Variants in GSE1 observed in about 807,000 individuals in gnomAD.
GSE1 encodes the protein genetic suppressor element 1.
A neutral mutation model predicts 112.6 loss-of-function variants in GSE1; 32 were observed. The observed-to-expected ratio is 0.28, with a 90% CI of 0.21 to 0.38. The LOEUF is 0.38. Ranked by LOEUF, GSE1 falls within the 10% of genes least tolerant of loss-of-function variation. The probability of loss-of-function intolerance (pLI) is 1.00; values close to 1 mark genes in which losing one functional copy is unlikely to be tolerated. For missense variants in GSE1, 2,348 were observed against 1,699.2 expected, an observed-to-expected ratio of 1.38 and a Z score of -6.71; for synonymous variants, 1,115 against 735.6, an observed-to-expected ratio of 1.52 and a Z score of -8.35.
chr16:85,348,712 C>G (rs1002453536), intron 1 of GSE1, among the ~76,000 whole-genome samples: 1 of 152,222 alleles, frequency 6.6e-6, no homozygotes, highest in Non-Finnish European at 1.5e-5. Context: ...CTGCCTGGCT[C>G]TGGATCGTGC....
rs111748880 is a variant in GSE1 at position 85,348,987 on chromosome 16, G to A, written c.2284-8476G>A. ...CCGCTCCCCAACCCCAGCCGGGAGC[G>A]CTGCAGCCGGAGCGGCCCTAATTGC... On this transcript the variant is annotated intron_variant, in intron 1 of 2. Transcript: ENST00000637419. 9.2e-5 allele frequency among the ~76,000 whole-genome samples: 14 copies of A among 152,000 alleles called. No individual in the cohort carries two copies. In the East Asian group the frequency reaches 1.6e-3, roughly 17 times the overall value.
chr16:85,254,502 C>T (rs1008982144), intron 1 of GSE1, among the ~76,000 whole-genome samples: 9 of 152,216 alleles, frequency 5.9e-5, no homozygotes, highest in African/African-American at 2.2e-4. Flanking sequence ...GGTCCCCTGA[C>T]CCCAGGAGGT....
chr16:85,640,939 A>C (rs916888869), intron 2 of GSE1, among the ~76,000 whole-genome samples: 11 of 152,266 alleles, frequency 7.2e-5, no homozygotes, highest in African/African-American at 2.6e-4. Context: ...AGCCAGAGCC[A>C]AAGGGGAGCA....
At chr16:85,170,749 G>T in exon 1 of GSE1, 1 of 985,520 alleles carries the variant, frequency 1.0e-6, no homozygotes, top group Non-Finnish European at 1.2e-6. Flanking sequence ...CCCGCCCCCA[G>T]GGGCACAGCC....
intron 2 of GSE1, among the ~76,000 whole-genome samples, chr16:85,494,043 C>A (rs1175909035): frequency 6.6e-6 from 1 of 152,228 alleles, no homozygotes; most frequent in Admixed American, 6.5e-5. Flanking sequence ...CATTGCACTC[C>A]CGCCTGGGCG....
intron 1 of GSE1, among the ~76,000 whole-genome samples, chr16:85,288,098 G>T (rs1050214032): frequency 6.6e-6 from 1 of 152,128 alleles, no homozygotes; most frequent in African/African-American, 2.4e-5. Context: ...AAATTAGCTT[G>T]ATGTGGTGGC....
chr16:85,523,878 G>A (rs1339723505), intron 2 of GSE1, among the ~76,000 whole-genome samples: 2 of 152,250 alleles, frequency 1.3e-5, no homozygotes, highest in Admixed American at 6.5e-5. Context: ...TGCGGGAGGC[G>A]GGGTCAACAG....
intron 1 of GSE1, among the ~76,000 whole-genome samples, chr16:85,216,244 A>G (rs550881294): frequency 5.3e-5 from 8 of 152,344 alleles, no homozygotes; most frequent in African/African-American, 1.9e-4. Flanking sequence ...TCTCTACAAA[A>G]TATCAAAAAA....
chr16:85,629,103 C>A (rs1377191568), intron 1 of GSE1, among the ~76,000 whole-genome samples: 1 of 152,224 alleles, frequency 6.6e-6, no homozygotes, highest in African/African-American at 2.4e-5. Context: ...TGCTGGCTTC[C>A]CTCGCCTTCC....
In GSE1 at chr16:85,271,941, G is replaced by A. The variant is rs4485348; in HGVS notation, c.2284-85522G>A. On this transcript the variant is annotated intron_variant, in intron 1 of 2. Transcript: ENST00000637419. ...CCTCAGGAGTGCCTTCGGGGGCTAC[G>A]TGGCCAGGCCAGCGTCTGCAGGACG... Among the ~76,000 whole-genome samples, 370 of 152,330 alleles carry A rather than the reference G, an allele frequency of 2.4e-3. 2 individuals are homozygous for A. The highest frequency in any genetic ancestry group is 8.4e-3 in the African/African-American group (351 of 41,578).
At chr16:85,656,000 G>T (rs2051893884) in intron 6 of GSE1, 83 bp downstream of exon 6, 3 of 1,117,584 alleles carry the variant, frequency 2.7e-6, no homozygotes, top group Admixed American at 4.3e-5. Flanking sequence ...GCTGGAACCT[G>T]ACTGGACTCC....
chr16:85,635,326 C>T (rs1213362435), intron 2 of GSE1, among the ~76,000 whole-genome samples: 7 of 152,190 alleles, frequency 4.6e-5, no homozygotes, highest in Non-Finnish European at 8.8e-5. Context: ...CTGGCTCTTC[C>T]TGGCAAACCA....
chr16:85,547,999 G>A (rs186935696), intron 2 of GSE1, among the ~76,000 whole-genome samples: 400 of 151,960 alleles, frequency 2.6e-3, no homozygotes, highest in African/African-American at 9.1e-3. Context: ...AGGCCGAGGC[G>A]GGCGGATCAC....
At chr16:85,479,061 G>T (rs1223699864) in intron 2 of GSE1, among the ~76,000 whole-genome samples, 2 of 128,894 alleles carry the variant, frequency 1.6e-5, no homozygotes, top group Non-Finnish European at 3.1e-5. Flanking sequence ...TCGCTCTGTC[G>T]CCCAGGCTGG....
rs765785002 is a variant in GSE1 at position 85,655,778 on chromosome 16, C to T, written c.850C>T (p.Pro284Ser). The change falls in exon 6 of 16, where the codon CCC becomes TCC. Residue 284 changes from proline (P) to serine (S), a missense_variant. By Grantham distance (74) the Pro-to-Ser change is moderately conservative. Transcript: ENST00000253458. ...SALRSPFYPI[P>S]TPGSLPPLHP... ...CCTGAGGTCCCCGTTCTACCCCATC[C>T]CCACCCCCGGCTCCCTGCCCCCACT... is the stretch of plus-strand genomic sequence containing the variant. The T allele has an allele frequency of 6.2e-7, 1 of 1,609,744 alleles. No homozygotes were observed. Among genetic ancestry groups the T allele is most frequent in the Admixed American group, 1.7e-5 (1 of 59,924 alleles).
At chr16:85,326,920 A>G (rs181929205) in intron 1 of GSE1, among the ~76,000 whole-genome samples, 1 of 152,382 alleles carries the variant, frequency 6.6e-6, no homozygotes, top group African/African-American at 2.4e-5. Context: ...ACTTAGCAGC[A>G]TAAACCATAA....
rs757859891 is a variant in GSE1 at position 85,661,384 on chromosome 16, C to T, written c.1879C>T (p.Arg627Trp). Residue 627 changes from arginine (R) to tryptophan (W), a missense_variant, in exon 9 of 16, where the codon CGG becomes TGG. Coordinates refer to ENST00000253458, the MANE Select transcript of GSE1 (RefSeq NM_014615.5). ...QAAVPLVKVE[R>W]VFCPEKAEEG... ...AGCCGTGCCGCTGGTGAAGGTGGAG[C>T]GGGTCTTCTGCCCGGAGAAAGCAGA... is the stretch of plus-strand genomic sequence containing the variant. 1.2e-5 allele frequency: 20 copies of T among 1,612,190 alleles called. No individual in the cohort carries two copies. In the East Asian group the frequency reaches 3.6e-4, roughly 29 times the overall value.
intron 1 of GSE1, among the ~76,000 whole-genome samples, chr16:85,626,507 A>G (rs2049081084): frequency 6.6e-6 from 1 of 152,234 alleles, no homozygotes; most frequent in Non-Finnish European, 1.5e-5. Flanking sequence ...GTAATGAAAA[A>G]TTACCAAGAG....
In GSE1 at chr16:85,656,396, A is replaced by G; in HGVS notation, c.1043A>G (p.Glu348Gly). The change falls in exon 7 of 16, where the codon GAG becomes GGG. Residue 348 changes from glutamate to glycine, a missense_variant. Transcript: ENST00000253458. ...RRERERERER[E>G]REREADRERE... ...GAGAGGGAGCGCGAGCGCGAGCGCG[A>G]GCGTGAGCGTGAGGCTGACCGCGAG... is the stretch of plus-strand genomic sequence containing the variant. The G allele has an allele frequency of 6.8e-7, 1 of 1,463,728 alleles. No individual in the cohort carries two copies. The highest frequency in any genetic ancestry group is 9.2e-7 in the Non-Finnish European group (1 of 1,085,720). The allele number at this position is 1,463,728 out of a possible 1,614,324, so 90.7% of individuals were successfully genotyped here.
Sources: gnomAD v4.1 joint callset for allele counts (sites outside exome capture counted in the v4.1 genomes callset) on GRCh38, gnomAD v4.1.1 for gene constraint, MANE v1.5 for transcripts, NCBI Gene and HGNC (gene_info 2026-07-23, HGNC 2026-07-21) for gene names.